The following MTUS2 variants were observed in gnomAD, a reference collection of about 807,000 sequenced individuals.
MTUS2 encodes microtubule associated scaffold protein 2, also known as microtubule-associated tumor suppressor candidate 2.
In MTUS2, 40 loss-of-function variants were observed where a neutral mutation model predicts 114.1. That is an observed-to-expected ratio of 0.35 (90% CI 0.27 to 0.46). The LOEUF (loss-of-function observed/expected upper bound fraction) is 0.46. Among genes scored for constraint, MTUS2 ranks in the 20% least tolerant of loss-of-function variants. The pLI, the probability that MTUS2 is intolerant of heterozygous loss-of-function variation, is 1.00. For synonymous variants in MTUS2, 688 were observed against 672.0 expected, an observed-to-expected ratio of 1.02 and a Z score of -0.37; for missense variants, 1,679 against 1,705.4, an observed-to-expected ratio of 0.98 and a Z score of 0.27.
intron 6 of MTUS2, among the ~76,000 whole-genome samples, chr13:29,286,452 G>A (rs1898483672): frequency 6.6e-6 from 1 of 152,198 alleles, no homozygotes; most frequent in African/African-American, 2.4e-5. Context: ...AGTCTCTCTA[G>A]TGTCTGTTTA....
At chr13:29,156,291 T>C (rs988592513) in intron 5 of MTUS2, among the ~76,000 whole-genome samples, 1 of 152,284 alleles carries the variant, frequency 6.6e-6, no homozygotes, top group African/African-American at 2.4e-5. Context: ...TAAGTCACAG[T>C]TGAGTCAGAA....
chr13:29,060,650 A>T (rs1274988571), intron 4 of MTUS2, among the ~76,000 whole-genome samples: 1 of 150,272 alleles, frequency 6.7e-6, no homozygotes, highest in Non-Finnish European at 1.5e-5. Flanking sequence ...TAAAAATCTA[A>T]TCCTCCAATT....
At chr13:29,283,503 T>C (rs1898357439) in intron 6 of MTUS2, among the ~76,000 whole-genome samples, 1 of 152,144 alleles carries the variant, frequency 6.6e-6, no homozygotes, top group Non-Finnish European at 1.5e-5. Context: ...AATTAGAAAA[T>C]AATTAGACAG....
intron 5 of MTUS2, among the ~76,000 whole-genome samples, chr13:29,178,214 T>C (rs1893855144): frequency 6.6e-6 from 1 of 152,190 alleles, no homozygotes; most frequent in Admixed American, 6.5e-5. Context: ...AAATTTAAAG[T>C]TTAAAATTGT....
At chr13:29,003,403 C>T (rs558463039) in intron 2 of MTUS2, among the ~76,000 whole-genome samples, 3 of 152,324 alleles carry the variant, frequency 2.0e-5, no homozygotes, top group Non-Finnish European at 2.9e-5. Context: ...GCTAGCCTCA[C>T]TGGATCTTTT....
intron 5 of MTUS2, among the ~76,000 whole-genome samples, chr13:29,130,628 T>G (rs1343918005): frequency 6.6e-6 from 1 of 152,154 alleles, no homozygotes; most frequent in Admixed American, 6.6e-5. Flanking sequence ...ATTTATTTAT[T>G]TATTTTATTT....
rs1045129364 is a variant in MTUS2, at chr13:29,441,275, G to A, written c.3184+1226G>A. 3.9e-5 allele frequency among the ~76,000 whole-genome samples: 6 copies of A among 152,118 alleles called. No homozygotes were observed. The South Asian group carries it at 8.3e-4, about 21-fold the overall frequency. ...GTCGGCTAGGAAAGGCAGGGTGTGA[G>A]GAACCCTGGAAAGCTGAGGTCCATG... On this transcript the variant is annotated intron_variant, in intron 9 of 15. Coordinates refer to ENST00000612955, the MANE Select transcript of MTUS2 (RefSeq NM_001033602.4).
rs148617075 is a variant in MTUS2, at chr13:29,389,509, G to A, written c.3117+30036G>A. Among the ~76,000 whole-genome samples, 63 of 48,572 alleles carry A rather than the reference G, an allele frequency of 1.3e-3. 7 individuals carry two copies. Among genetic ancestry groups the A allele is most frequent in the African/African-American group, 3.4e-3 (60 of 17,740 alleles). 31.9% of individuals were successfully genotyped at this position (48,572 alleles called of 152,430 possible). A position where few individuals can be genotyped will look rare whatever the true frequency, so the allele number is the denominator to read the frequency against. ...TGTGTATGTGTATATATGTATACAC[G>A]TGTGTGTATGTGTATATATGTATAC... On this transcript the variant is annotated intron_variant, in intron 8 of 15. Coordinates refer to ENST00000612955, the MANE Select transcript of MTUS2 (RefSeq NM_001033602.4).
At chr13:29,500,818 C>G (rs4997529) in intron 14 of MTUS2, among the ~76,000 whole-genome samples, 17,449 of 151,830 alleles carry the variant, frequency 0.11, 1,223 homozygotes, top group Non-Finnish European at 0.14. Context: ...CACACACACA[C>G]ACACACACAC....
intron 8 of MTUS2, among the ~76,000 whole-genome samples, chr13:29,416,849 T>G (rs1167874991): frequency 6.6e-6 from 1 of 152,250 alleles, no homozygotes; most frequent in Admixed American, 6.5e-5. Context: ...TGTTTTGTTT[T>G]GTTTTCAGTC....
At chr13:29,070,985 T>G (rs982160617) in intron 4 of MTUS2, among the ~76,000 whole-genome samples, 5 of 152,048 alleles carry the variant, frequency 3.3e-5, no homozygotes, top group Admixed American at 6.6e-5. Flanking sequence ...TGCTTGTTTT[T>G]TTTTTTGGTT....
At chr13:28,924,837 T>G (rs1473688428) in intron 2 of MTUS2, among the ~76,000 whole-genome samples, 2 of 152,084 alleles carry the variant, frequency 1.3e-5, no homozygotes, top group Admixed American at 6.5e-5. Flanking sequence ...TGGAAATCAC[T>G]TTAAGATTAG....
intron 2 of MTUS2, among the ~76,000 whole-genome samples, chr13:28,966,349 A>AT (rs1472445274): frequency 2.0e-5 from 3 of 152,190 alleles, no homozygotes; most frequent in Non-Finnish European, 2.9e-5. Context: ...TTATTTGCAC[A>AT]TTCTTTGCTT....
chr13:29,243,120 T>A (rs186255442), intron 5 of MTUS2, among the ~76,000 whole-genome samples: 1 of 152,348 alleles, frequency 6.6e-6, no homozygotes, highest in Non-Finnish European at 1.5e-5. Flanking sequence ...TCTACTCATT[T>A]AAAGCTGGGG....
At chr13:28,914,810 T>C (rs540785308) in intron 2 of MTUS2, among the ~76,000 whole-genome samples, 2 of 152,258 alleles carry the variant, frequency 1.3e-5, no homozygotes, top group African/African-American at 4.8e-5. Flanking sequence ...TTCTTCTTGT[T>C]GAATTGAATC....
intron 11 of MTUS2, among the ~76,000 whole-genome samples, chr13:29,488,743 A>G (rs1446539132): frequency 1.3e-5 from 2 of 152,114 alleles, no homozygotes; most frequent in Middle Eastern, 3.2e-3. Context: ...CAGAGCTTAC[A>G]CTCATAGACC....
chr13:29,321,524 G>C (rs1900254627), intron 6 of MTUS2, among the ~76,000 whole-genome samples: 1 of 152,174 alleles, frequency 6.6e-6, no homozygotes, highest in East Asian at 1.9e-4. Flanking sequence ...GTAGCCTTGT[G>C]TTCCTATGGT....
In MTUS2 at chr13:29,488,245, C is replaced by T. The variant is rs144977018; in HGVS notation, c.3505+240C>T. On this transcript the variant is annotated intron_variant, in intron 11 of 15. Transcript: ENST00000612955. Reference sequence around the variant, plus strand: ...AACCTTGATGAATACTGGAATTCCCCGTCCCCTGGGGAGCGGTAACAAAAG... The same window carrying T: ...AACCTTGATGAATACTGGAATTCCCTGTCCCCTGGGGAGCGGTAACAAAAG... The T allele has an allele frequency of 2.0e-3, 1,025 of 510,638 alleles. 5 individuals are homozygous for T. Among genetic ancestry groups the T allele is most frequent in the African/African-American group, 0.017 (894 of 51,778 alleles). 31.6% of individuals were successfully genotyped at this position (510,638 alleles called of 1,614,324 possible).
At chr13:28,888,248 GT>G (rs201761489) in intron 2 of MTUS2, among the ~76,000 whole-genome samples, 3,533 of 152,254 alleles carry the variant, frequency 0.023, 61 homozygotes, top group South Asian at 0.04. Flanking sequence ...GGGTCTCAGA[GT>G]TTTACTAAAT....
Sources: allele counts gnomAD v4.1 joint callset (sites outside exome capture counted in the v4.1 genomes callset), GRCh38; gene constraint gnomAD v4.1.1; transcripts MANE v1.5; gene names NCBI Gene and HGNC (gene_info 2026-07-23, HGNC 2026-07-21).